Variants in NFILZ observed in about 807,000 individuals in gnomAD.
The protein encoded by NFILZ is NFIL3 like basic leucine zipper, also known as NFIL3 like protein.
At chr19:8,647,354 C>A (rs1555747158) in intron 3 of NFILZ, among the ~76,000 whole-genome samples, 2 of 151,826 alleles carry the variant, frequency 1.3e-5, no homozygotes, top group Non-Finnish European at 2.9e-5. Flanking sequence ...GGTGGATCAC[C>A]TGAGGTCAGG....
chr19:8,668,500 A>G (rs765441015), intron 3 of NFILZ, among the ~76,000 whole-genome samples: 6 of 152,152 alleles, frequency 3.9e-5, no homozygotes, highest in Non-Finnish European at 7.3e-5. Flanking sequence ...GTCACCTAAC[A>G]TATTCATTGT....
intron 3 of NFILZ, among the ~76,000 whole-genome samples, chr19:8,636,684 C>T (rs1420327190): frequency 2.0e-5 from 3 of 151,534 alleles, no homozygotes; most frequent in Admixed American, 6.6e-5. Context: ...CTTGAACTCC[C>T]GACCTCAGGT....
intron 3 of NFILZ, among the ~76,000 whole-genome samples, chr19:8,659,388 G>T (rs1301290482): frequency 6.6e-6 from 1 of 152,170 alleles, no homozygotes; most frequent in Non-Finnish European, 1.5e-5. Flanking sequence ...GCTTCCCAGA[G>T]AATATGTGAT....
At chr19:8,646,982 G>A (rs781982240) in intron 3 of NFILZ, among the ~76,000 whole-genome samples, 34 of 152,134 alleles carry the variant, frequency 2.2e-4, no homozygotes, top group African/African-American at 6.5e-4. Context: ...GACCTTGGGC[G>A]GATACCTTGA....
At position 8,657,269 on chromosome 19, in the gene NFILZ, G is replaced by A. The variant is rs572708712; in HGVS notation, c.-163-17282G>A. Among the ~76,000 whole-genome samples the A allele has an allele frequency of 3.0e-4, 46 of 151,858 alleles. No homozygotes were observed. The East Asian group carries it at 8.4e-3, about 28-fold the overall frequency. On this transcript the variant is annotated intron_variant, in intron 3 of 5. Transcript: ENST00000691075. ...TTACAGGCACGCGCCACCACACCCA[G>A]CTAATTTTTTTTTTGTAGAGAGGGG...
chr19:8,660,785 C>G (rs2043026836), intron 3 of NFILZ, among the ~76,000 whole-genome samples: 1 of 151,548 alleles, frequency 6.6e-6, no homozygotes, highest in South Asian at 2.1e-4. Context: ...TTACAGGTGC[C>G]CACCACCATG....
intron 3 of NFILZ, among the ~76,000 whole-genome samples, chr19:8,671,015 T>A (rs1347034501): frequency 1.3e-5 from 2 of 148,446 alleles, no homozygotes; most frequent in East Asian, 4.0e-4. Flanking sequence ...AAAAAAAGAT[T>A]TCCAGACATG....
chr19:8,656,288 ACAGCCCACCTCCTCCCG>A (rs2042994232), intron 3 of NFILZ, among the ~76,000 whole-genome samples: 1 of 20,908 alleles, frequency 4.8e-5, no homozygotes, highest in Non-Finnish European at 1.3e-4. Context: ...CCTTCTCCCC[ACAGCCCACCTCCTCCCG>A]CAGCGCACCT....
intron 3 of NFILZ, among the ~76,000 whole-genome samples, chr19:8,665,468 C>T (rs1555749675): frequency 3.3e-5 from 5 of 152,164 alleles, no homozygotes. Context: ...TACCCTCATT[C>T]TTCAAACAGG....
intron 3 of NFILZ, among the ~76,000 whole-genome samples, chr19:8,641,304 A>G (rs2042918194): frequency 6.6e-6 from 1 of 151,878 alleles, no homozygotes. Context: ...CGCTCACCTC[A>G]GCCTCCAAAA....
chr19:8,675,418 C>T (rs1568425687), intron 4 of NFILZ, among the ~76,000 whole-genome samples: 1 of 152,184 alleles, frequency 6.6e-6, no homozygotes, highest in Non-Finnish European at 1.5e-5. Flanking sequence ...AGGTAGTCTT[C>T]CATCCTTGCT....
At chr19:8,672,256 C>A (rs1488375995) in intron 3 of NFILZ, among the ~76,000 whole-genome samples, 3 of 151,212 alleles carry the variant, frequency 2.0e-5, no homozygotes, top group Admixed American at 2.0e-4. Flanking sequence ...ATAATCCAGG[C>A]ATTTATTAGT....
chr19:8,656,460 CT>C (rs1189952946), intron 3 of NFILZ, among the ~76,000 whole-genome samples: 14,613 of 43,462 alleles, frequency 0.34, 1,646 homozygotes, highest in Non-Finnish European at 0.44. Context: ...CCCACCTTCT[CT>C]CTGAAGCCCA....
intron 3 of NFILZ, among the ~76,000 whole-genome samples, chr19:8,672,576 AT>A (rs1215100533): frequency 1.5e-5 from 2 of 136,606 alleles, no homozygotes; most frequent in Non-Finnish European, 1.5e-5. Context: ...ATTCCAAAAA[AT>A]ATTCATGCAT....
intron 3 of NFILZ, among the ~76,000 whole-genome samples, chr19:8,651,628 C>T (rs1483664678): frequency 1.3e-5 from 2 of 152,050 alleles, no homozygotes; most frequent in Admixed American, 1.3e-4. Context: ...AATTCCTGGA[C>T]TCATGCGATC....
intron 3 of NFILZ, among the ~76,000 whole-genome samples, chr19:8,639,155 T>C (rs2042908241): frequency 6.6e-6 from 1 of 152,158 alleles, no homozygotes; most frequent in South Asian, 2.1e-4. Flanking sequence ...ACTTGGCTGT[T>C]TAAGGAACAG....
intron 3 of NFILZ, among the ~76,000 whole-genome samples, chr19:8,663,750 G>GTATGTGTGTGTA (rs1403759520): frequency 4.9e-4 from 67 of 136,954 alleles, no homozygotes; most frequent in African/African-American, 8.8e-4. Context: ...GTGTGTGTGT[G>GTATGTGTGTGTA]TGTGTGTGTG....
intron 3 of NFILZ, among the ~76,000 whole-genome samples, chr19:8,663,736 G>GCATGTGTGTGTGTGTGTA (rs1453973086): frequency 1.3e-4 from 18 of 136,140 alleles, no homozygotes; most frequent in South Asian, 2.6e-4. Context: ...GTGTGTGTGT[G>GCATGTGTGTGTGTGTGTA]TGTGTGTGTG....
chr19:8,641,723 T>C (rs1039309750), intron 3 of NFILZ, among the ~76,000 whole-genome samples: 15 of 152,198 alleles, frequency 9.9e-5, no homozygotes, highest in African/African-American at 3.4e-4. Context: ...TCAGTTTCCC[T>C]ATCTGCAAAG....
Sources: allele counts gnomAD v4.1 joint callset (sites outside exome capture counted in the v4.1 genomes callset), GRCh38; gene constraint gnomAD v4.1.1; transcripts MANE v1.5; gene names NCBI Gene and HGNC (gene_info 2026-07-23, HGNC 2026-07-21).